Variants in ANO2 observed in about 807,000 individuals in gnomAD.
The protein encoded by ANO2 is anoctamin-2.
ANO2 carries 101 observed loss-of-function variants against 124.2 expected under a neutral mutation model. That is an observed-to-expected ratio of 0.81 (90% confidence interval 0.69 to 0.96). The LOEUF (loss-of-function observed/expected upper bound fraction) is 0.96, where lower values mean the gene tolerates loss of function less well. Among genes scored for constraint, ANO2 ranks in the 40% least tolerant of loss-of-function variants. ANO2 has a pLI of 0.00. For missense variants in ANO2, 1,293 were observed against 1,274.5 expected (o/e 1.01, Z -0.22); for synonymous variants, 486 against 482.5 (o/e 1.01, Z -0.09).
intron 23 of ANO2, among the ~76,000 whole-genome samples, chr12:5,568,214 A>G (rs1476307247): frequency 1.7e-4 from 24 of 138,018 alleles, no homozygotes; most frequent in Non-Finnish European, 3.0e-5. Context: ...ATCTCGGCTC[A>G]CTGCAACCTC....
chr12:5,883,502 GGTGTGTGTGTGTGT>G (rs5796191), intron 3 of ANO2, among the ~76,000 whole-genome samples: 5 of 144,692 alleles, frequency 3.5e-5, no homozygotes, highest in South Asian at 2.3e-4. Flanking sequence ...ACATTAGGGT[GGTGTGTGTGTGTGT>G]GTGTGTGTGT....
chr12:5,698,122 A>G (rs540254231), intron 14 of ANO2, among the ~76,000 whole-genome samples: 1 of 152,344 alleles, frequency 6.6e-6, no homozygotes, highest in Non-Finnish European at 1.5e-5. Context: ...ACAGAGTTTG[A>G]GATCTGAGAA....
At chr12:5,743,942 A>G (rs1951183953) in intron 12 of ANO2, among the ~76,000 whole-genome samples, 1 of 152,252 alleles carries the variant, frequency 6.6e-6, no homozygotes. Context: ...GCATGACTAC[A>G]TCTGAGAGAA....
At chr12:5,850,388 C>A (rs896706088) in intron 4 of ANO2, among the ~76,000 whole-genome samples, 1 of 145,432 alleles carries the variant, frequency 6.9e-6, no homozygotes, top group Admixed American at 7.2e-5. Context: ...TGCACTCCAG[C>A]CTGGGTGACA....
At chr12:5,686,433 G>A (rs1475370127) in intron 14 of ANO2, among the ~76,000 whole-genome samples, 1 of 152,178 alleles carries the variant, frequency 6.6e-6, no homozygotes, top group Non-Finnish European at 1.5e-5. Flanking sequence ...GGTTAATAGG[G>A]AGACAAAGAT....
intron 14 of ANO2, among the ~76,000 whole-genome samples, chr12:5,666,740 C>T (rs1947743947): frequency 6.6e-6 from 1 of 152,164 alleles, no homozygotes; most frequent in African/African-American, 2.4e-5. Context: ...TTAACCTCAA[C>T]CAAAGAGCGC....
At chr12:5,907,267 G>A (rs964654834) in intron 3 of ANO2, among the ~76,000 whole-genome samples, 1 of 152,168 alleles carries the variant, frequency 6.6e-6, no homozygotes, top group Non-Finnish European at 1.5e-5. Context: ...ATGATAGAAT[G>A]TTTCCCTTTA....
chr12:5,685,205 G>T (rs1199529220), intron 14 of ANO2, among the ~76,000 whole-genome samples: 1 of 152,214 alleles, frequency 6.6e-6, no homozygotes, highest in African/African-American at 2.4e-5. Context: ...GCCACTTGGA[G>T]AAGGGCTTGG....
intron 14 of ANO2, among the ~76,000 whole-genome samples, chr12:5,712,385 C>A (rs1949850066): frequency 1.3e-5 from 2 of 152,088 alleles, no homozygotes; most frequent in South Asian, 4.2e-4. Flanking sequence ...TCCCAGTGTC[C>A]TTGTAAGTGA....
At chr12:5,576,312 T>C (rs1481289574) in intron 22 of ANO2, among the ~76,000 whole-genome samples, 1 of 152,218 alleles carries the variant, frequency 6.6e-6, no homozygotes, top group Non-Finnish European at 1.5e-5. Context: ...TTCTGAGATA[T>C]CTAACATTGC....
At chr12:5,657,371 G>T (rs1193193474) in intron 14 of ANO2, among the ~76,000 whole-genome samples, 1 of 152,178 alleles carries the variant, frequency 6.6e-6, no homozygotes, top group African/African-American at 2.4e-5. Context: ...GACACATTGT[G>T]ATTTGATATG....
intron 14 of ANO2, among the ~76,000 whole-genome samples, chr12:5,674,949 T>C (rs1226420935): frequency 7.7e-6 from 1 of 129,308 alleles, no homozygotes; most frequent in Non-Finnish European, 1.8e-5. Flanking sequence ...GAGGCAGTAC[T>C]GCAGCTTGAA....
intron 10 of ANO2, among the ~76,000 whole-genome samples, chr12:5,776,900 G>A (rs1952248009): frequency 6.6e-6 from 1 of 152,178 alleles, no homozygotes; most frequent in African/African-American, 2.4e-5. Flanking sequence ...CCATAACCTG[G>A]AGGACAACTC....
intron 20 of ANO2, among the ~76,000 whole-genome samples, chr12:5,585,267 A>C (rs1943049079): frequency 6.6e-6 from 1 of 152,170 alleles, no homozygotes; most frequent in South Asian, 2.1e-4. Context: ...AGAAATAAGG[A>C]CAATATGTGG....
rs376961826 is a variant in ANO2, at chr12:5,787,574, G to A, written c.1055+11933C>T. 9.9e-5 allele frequency among the ~76,000 whole-genome samples: 15 copies of A among 152,122 alleles called. No homozygotes were observed. The highest frequency in any genetic ancestry group is 3.6e-4 in the African/African-American group (15 of 41,394). ...TCTGTATAATGAGGATGATAGTATC[G>A]ATCTCGACGGGGTGTTGTGAGTTAG... On this transcript the variant is annotated intron_variant, in intron 10 of 24. Coordinates refer to ENST00000682330, the MANE Select transcript of ANO2 (RefSeq NM_001364791.2). This position sits in a 1 kb window ranked among gnomAD's most constrained non-coding sequence, Gnocchi z 4.2.
At chr12:5,778,884 A>C (rs1952305402) in intron 10 of ANO2, among the ~76,000 whole-genome samples, 1 of 152,258 alleles carries the variant, frequency 6.6e-6, no homozygotes, top group African/African-American at 2.4e-5. Flanking sequence ...TATGTGAGGC[A>C]TCCCTCTCAG....
At chr12:5,573,553 C>T (rs1470241766) in intron 23 of ANO2, among the ~76,000 whole-genome samples, 1 of 152,208 alleles carries the variant, frequency 6.6e-6, no homozygotes, top group Non-Finnish European at 1.5e-5. Context: ...GGAACTATGT[C>T]GCTGGGGTCT....
chr12:5,934,113 GACACTGTTTTAA>G, intron 1 of ANO2, among the ~76,000 whole-genome samples: 1 of 152,284 alleles, frequency 6.6e-6, no homozygotes, highest in East Asian at 1.9e-4. Flanking sequence ...ACATGTGTCA[GACACTGTTTTAA>G]ACACTTTACA....
intron 1 of ANO2, among the ~76,000 whole-genome samples, chr12:5,938,244 C>T (rs1942739989): frequency 6.6e-6 from 1 of 152,196 alleles, no homozygotes; most frequent in African/African-American, 2.4e-5. Flanking sequence ...TCTGTCTTCT[C>T]AGTTCAGTGG....
Sources: allele counts gnomAD v4.1 joint callset (sites outside exome capture counted in the v4.1 genomes callset), GRCh38; gene constraint gnomAD v4.1.1; non-coding constraint Gnocchi (gnomAD v3.1); transcripts MANE v1.5; gene names NCBI Gene and HGNC (gene_info 2026-07-23, HGNC 2026-07-21).